MTMR10: variants seen among roughly 807,000 people sequenced by gnomAD.
MTMR10 encodes myotubularin related protein 10.
MTMR10 carries 56 observed loss-of-function variants against 88.1 expected under a neutral mutation model. That is an observed-to-expected ratio of 0.64 (90% CI 0.51 to 0.79). The LOEUF is 0.79. Ranked by LOEUF, MTMR10 falls within the 30% of genes least tolerant of loss-of-function variation. The probability of loss-of-function intolerance (pLI) is 0.00; values close to 1 mark genes in which losing one functional copy is unlikely to be tolerated. For missense variants in MTMR10, 883 were observed against 924.7 expected, an observed-to-expected ratio of 0.95 and a Z score of 0.58; for synonymous variants, 380 against 340.9, an observed-to-expected ratio of 1.11 and a Z score of -1.26.
At chr15:30,929,004 G>A in the MTMR10 span, among the ~76,000 whole-genome samples, 6 of 152,170 alleles carry the variant, frequency 3.9e-5, no homozygotes, top group East Asian at 1.9e-4. Flanking sequence ...CCAGCTAAGC[G>A]AAAAGCTGTT....
At chr15:30,955,019 T>TA in intron 9 of MTMR10, 126 bp from the exon 10 acceptor site, 1 of 797,158 alleles carries the variant, frequency 1.3e-6, no homozygotes, top group Non-Finnish European at 1.8e-6. Flanking sequence ...TCATGGAGTT[T>TA]ACTTTTTTTT....
chr15:30,924,215 G>A, the MTMR10 span, among the ~76,000 whole-genome samples: 1 of 152,202 alleles, frequency 6.6e-6, no homozygotes, highest in Admixed American at 6.5e-5. Context: ...TTCCACTGTA[G>A]CATCTGATAC....
chr15:30,956,498 C>T lies in MTMR10; in HGVS notation c.936-1605G>A, dbSNP rs558667446. The T allele has an allele frequency of 2.6e-5, 4 of 152,222 alleles. No homozygotes were observed. In the South Asian group the frequency reaches 6.2e-4, roughly 24 times the overall value. 9.4% of individuals were successfully genotyped at this position (152,222 alleles called of 1,614,324 possible). ...TGCTCTGTGAAGATGGTACTGAAGC[C>T]GAAACCTAAATGAATAGAGAAGCAA... is the stretch of plus-strand genomic sequence containing the variant. On this transcript the variant is annotated intron_variant, in intron 9 of 15. Transcript: ENST00000435680.
chr15:30,948,738 G>A (rs2063204858), intron 12 of MTMR10: 1 of 506,058 alleles, frequency 2.0e-6, no homozygotes, highest in African/African-American at 1.9e-5. Context: ...ACATTCGAAT[G>A]GTTTGTGGTA....
chr15:30,945,000 A>G (rs147723761), intron 14 of MTMR10, among the ~76,000 whole-genome samples: 1 of 151,564 alleles, frequency 6.6e-6, no homozygotes, highest in Non-Finnish European at 1.5e-5. Context: ...TGACAGAGCC[A>G]AACTGTCTTA....
At chr15:30,942,517 G>A in intron 15 of MTMR10, 1 of 277,638 alleles carries the variant, frequency 3.6e-6, no homozygotes. Flanking sequence ...TTATTAAAAA[G>A]GCAAACAATG....
At chr15:30,987,850 C>T (rs2031045773) in intron 2 of MTMR10, among the ~76,000 whole-genome samples, 1 of 151,884 alleles carries the variant, frequency 6.6e-6, no homozygotes, top group Non-Finnish European at 1.5e-5. Flanking sequence ...TGTCCTAATG[C>T]TCTCCCTTCC....
chr15:30,973,254 T>C (rs1335856551), intron 5 of MTMR10, among the ~76,000 whole-genome samples: 1 of 152,160 alleles, frequency 6.6e-6, no homozygotes, highest in Non-Finnish European at 1.5e-5. Flanking sequence ...GAGATGGTTA[T>C]ACAGACCATT....
chr15:30,989,250 G>A (rs2031152291), intron 2 of MTMR10, among the ~76,000 whole-genome samples: 1 of 152,056 alleles, frequency 6.6e-6, no homozygotes, highest in African/African-American at 2.4e-5. Context: ...AGCACACAGG[G>A]AGCAAGGGTT....
chr15:30,955,520 T>A (rs1004986080), intron 9 of MTMR10, among the ~76,000 whole-genome samples: 1 of 152,088 alleles, frequency 6.6e-6, no homozygotes, highest in Non-Finnish European at 1.5e-5. Flanking sequence ...TTCACCCCCC[T>A]TGGCCTCCCA....
At chr15:30,982,588 T>C (rs1875525528) in intron 2 of MTMR10, among the ~76,000 whole-genome samples, 1 of 152,146 alleles carries the variant, frequency 6.6e-6, no homozygotes, top group African/African-American at 2.4e-5. Flanking sequence ...AATGAGCCCT[T>C]GGAAGAGAGC....
chr15:30,962,804 G>A (rs1331019299), intron 6 of MTMR10, among the ~76,000 whole-genome samples: 1 of 152,188 alleles, frequency 6.6e-6, no homozygotes, highest in Non-Finnish European at 1.5e-5. Context: ...ATGCAAAAGA[G>A]AAGTCCCCTA....
At position 30,952,056 on chromosome 15, in the gene MTMR10, A is replaced by T; in HGVS notation, c.1137-18T>A. The T allele has an allele frequency of 6.2e-7, 1 of 1,605,354 alleles. No homozygotes were observed. The highest frequency in any genetic ancestry group is 8.5e-7 in the Non-Finnish European group (1 of 1,172,748). ...GGAATGCCCTGAAGAGAGAAAAGGA[A>T]AAGCAGTGTTAAAAATCAAATTTCC... On this transcript the variant is annotated intron_variant, in intron 11 of 15. Coordinates refer to ENST00000435680, the MANE Select transcript of MTMR10 (RefSeq NM_017762.3).
intron 10 of MTMR10, among the ~76,000 whole-genome samples, chr15:30,954,472 T>C (rs1307644016): frequency 3.3e-5 from 5 of 152,218 alleles, no homozygotes; most frequent in Non-Finnish European, 7.3e-5. Flanking sequence ...TGTAAGGTAA[T>C]ACAGTGTTCT....
At position 30,940,847 on chromosome 15, in the gene MTMR10, C is replaced by G; in HGVS notation, c.*623G>C. The G allele has an allele frequency of 2.0e-6, 2 of 989,312 alleles. No homozygotes were observed. Among genetic ancestry groups the G allele is most frequent in the South Asian group, 4.6e-5 (1 of 21,650 alleles). 61.3% of individuals were successfully genotyped at this position (989,312 alleles called of 1,614,324 possible). ...CACTTCTAAGTTTAATTATCTGCAG[C>G]AAATGCTTTAAAATTAACAGTGCAT... is the stretch of plus-strand genomic sequence containing the variant. On this transcript the variant is annotated 3_prime_UTR_variant, in exon 16 of 16. Transcript: ENST00000435680.
chr15:30,972,873 A>C (rs2063553988), intron 5 of MTMR10, among the ~76,000 whole-genome samples: 1 of 152,160 alleles, frequency 6.6e-6, no homozygotes, highest in African/African-American at 2.4e-5. Context: ...AAATACAGTA[A>C]AAGAGGGAGA....
intron 15 of MTMR10, chr15:30,942,477 C>CA (rs1003948102): frequency 8.9e-5 from 23 of 257,290 alleles, no homozygotes; most frequent in Middle Eastern, 2.5e-3. Context: ...AATTTTCTAC[C>CA]AAAAAAAATC....
In MTMR10 at chr15:30,943,938, T is replaced by C. The variant is rs897255830; in HGVS notation, c.1549-866A>G. ...ATACACAACAGTTCGCTGGAGGAAA[T>C]AACTCCAGACACAAAGTCGCTGGAT... On this transcript the variant is annotated intron_variant, in intron 14 of 15. Transcript: ENST00000435680. 3 of 985,238 alleles carry C rather than the reference T, an allele frequency of 3.0e-6. No homozygotes were observed. The African/African-American group carries it at 5.2e-5, about 17-fold the overall frequency. 61.0% of individuals were successfully genotyped at this position (985,238 alleles called of 1,614,324 possible).
At chr15:30,952,088 A>G (rs1566950366) in intron 11 of MTMR10, 50 bp from the exon 12 acceptor site, 1 of 1,446,954 alleles carries the variant, frequency 6.9e-7, no homozygotes. Context: ...TTCCACTACA[A>G]ATACATAAAG....
Sources: allele counts gnomAD v4.1 joint callset (sites outside exome capture counted in the v4.1 genomes callset), GRCh38; gene constraint gnomAD v4.1.1; transcripts MANE v1.5; gene names NCBI Gene and HGNC (gene_info 2026-07-23, HGNC 2026-07-21).